Variants in HEXB observed in about 807,000 individuals in gnomAD.
The protein encoded by HEXB is beta-hexosaminidase subunit beta.
A neutral mutation model predicts 71.2 loss-of-function variants in HEXB; 51 were observed. The ratio of observed to expected loss-of-function variants is 0.72; its 90% CI spans 0.57 to 0.90. The LOEUF (loss-of-function observed/expected upper bound fraction) is 0.90. HEXB is among the 40% of genes least tolerant of loss of function. The probability of loss-of-function intolerance (pLI) is 0.00; values close to 1 mark genes in which losing one functional copy is unlikely to be tolerated. For missense variants in HEXB, 617 were observed against 677.0 expected (o/e 0.91, Z 0.98); for synonymous variants, 266 against 249.3 (o/e 1.07, Z -0.63).
chr5:74,694,187 A>G (rs12517888), intron 3 of HEXB, among the ~76,000 whole-genome samples: 35,176 of 152,092 alleles, frequency 0.23, 4,608 homozygotes, highest in African/African-American at 0.35. Flanking sequence ...TAAATACAGC[A>G]TGGGAGAAAA....
intron 1 of HEXB, among the ~76,000 whole-genome samples, chr5:74,642,269 T>TA: frequency 6.6e-6 from 1 of 152,086 alleles, no homozygotes; most frequent in Non-Finnish European, 1.5e-5. Context: ...AATATATATA[T>TA]TTTTTAATGC....
chr5:74,709,989 G>T (rs1749499376), intron 6 of HEXB, among the ~76,000 whole-genome samples: 1 of 134,694 alleles, frequency 7.4e-6, no homozygotes, highest in African/African-American at 3.5e-5. Context: ...AACCAAAAAA[G>T]AGAATTTTAG....
chr5:74,698,293 C>T (rs922259518), intron 5 of HEXB, among the ~76,000 whole-genome samples: 6 of 151,394 alleles, frequency 4.0e-5, no homozygotes, highest in Non-Finnish European at 7.4e-5. Flanking sequence ...AGGCTGGTCT[C>T]GAACTCCTGA....
intron 3 of HEXB, among the ~76,000 whole-genome samples, chr5:74,695,466 G>A (rs1749092501): frequency 6.6e-6 from 1 of 150,760 alleles, no homozygotes; most frequent in Non-Finnish European, 1.5e-5. Context: ...GCCTCCCAAA[G>A]TGCTGGGATT....
chr5:74,703,332 G>T (rs986657965), intron 5 of HEXB, among the ~76,000 whole-genome samples: 14 of 152,190 alleles, frequency 9.2e-5, no homozygotes, highest in East Asian at 3.8e-4. Context: ...TCCCTTGCAG[G>T]TTCCCTTTAA....
At chr5:74,690,097 G>A (rs955615329) in intron 2 of HEXB, among the ~76,000 whole-genome samples, 4 of 152,038 alleles carry the variant, frequency 2.6e-5, no homozygotes, top group Non-Finnish European at 4.4e-5. Context: ...GGGAGAGGGT[G>A]GGTACAGCAG....
intron 1 of HEXB, among the ~76,000 whole-genome samples, chr5:74,686,110 T>C (rs1274628139): frequency 6.6e-6 from 1 of 151,664 alleles, no homozygotes; most frequent in African/African-American, 2.4e-5. Context: ...TGTGACATGT[T>C]TGCATCTGAC....
chr5:74,689,396 A>G lies in HEXB; in HGVS notation c.368A>G (p.Gln123Arg). 6.2e-7 allele frequency: 1 copy of G among 1,612,146 alleles called. No individual in the cohort carries two copies. The highest frequency in any genetic ancestry group is 8.5e-7 in the Non-Finnish European group (1 of 1,178,154). Reference protein sequence around the residue: ...HEPAEFQAKTQVQQLLVSITL... With the variant: ...HEPAEFQAKTRVQQLLVSITL... ...CCTGCTGAATTCCAGGCTAAAACCCAGGTTCAGCAACTTCTTGTCTCAATC... is the reference window on the plus strand; with the variant it reads ...CCTGCTGAATTCCAGGCTAAAACCCGGGTTCAGCAACTTCTTGTCTCAATC... The change falls in exon 2 of 14, where the codon CAG (glutamine) becomes CGG (arginine). Residue 123 changes from glutamine to arginine, a missense_variant. Gln to Arg is a conservative substitution (Grantham distance 43). Transcript: ENST00000261416.
chr5:74,709,309 T>G (rs1749481453), intron 6 of HEXB, among the ~76,000 whole-genome samples: 1 of 151,892 alleles, frequency 6.6e-6, no homozygotes, highest in Non-Finnish European at 1.5e-5. Context: ...AGAGGGAAAT[T>G]TATAGCACTA....
At chr5:74,717,014 A>C (rs1294755521) in intron 9 of HEXB, among the ~76,000 whole-genome samples, 2 of 152,158 alleles carry the variant, frequency 1.3e-5, no homozygotes, top group African/African-American at 2.4e-5. Flanking sequence ...ACATGGTGAA[A>C]TCCCATCTCT....
intron 3 of HEXB, among the ~76,000 whole-genome samples, chr5:74,694,258 T>C (rs1186471312): frequency 6.6e-6 from 1 of 152,352 alleles, no homozygotes; most frequent in Non-Finnish European, 1.5e-5. Flanking sequence ...CTGTAATTCA[T>C]TGATGCTCTT....
intron 1 of HEXB, among the ~76,000 whole-genome samples, chr5:74,661,861 C>T (rs180793097): frequency 1.3e-5 from 2 of 152,256 alleles, no homozygotes; most frequent in Admixed American, 1.3e-4. Flanking sequence ...ACATTTACTC[C>T]AAGATTTGAA....
chr5:74,710,708 C>T (rs1270257206), intron 6 of HEXB, among the ~76,000 whole-genome samples: 1 of 151,642 alleles, frequency 6.6e-6, no homozygotes, highest in Non-Finnish European at 1.5e-5. Context: ...AATAAAATAC[C>T]TAGGAATCCA....
chr5:74,673,468 T>G (rs1007254688), intron 1 of HEXB, among the ~76,000 whole-genome samples: 11 of 152,224 alleles, frequency 7.2e-5, no homozygotes, highest in Admixed American at 2.0e-4. Context: ...GCCCAGGTCC[T>G]AGGCTGTCCA....
upstream of HEXB, chr5:74,685,095 G>T: frequency 1.4e-6 from 1 of 714,102 alleles, no homozygotes; most frequent in Non-Finnish European, 2.1e-6. Context: ...AGGGCGGGCT[G>T]GGCGAGGACG....
intron 1 of HEXB, among the ~76,000 whole-genome samples, chr5:74,678,601 A>G (rs1023355804): frequency 2.6e-5 from 4 of 152,118 alleles, no homozygotes; most frequent in African/African-American, 9.7e-5. Context: ...ATTCAAAAAC[A>G]AAACTATAAA....
intron 6 of HEXB, among the ~76,000 whole-genome samples, chr5:74,712,829 A>G (rs999536092): frequency 2.0e-5 from 3 of 152,202 alleles, no homozygotes; most frequent in African/African-American, 7.2e-5. Context: ...CCATAGTTTG[A>G]GAAATGTGCT....
At chr5:74,644,216 A>T (rs2112063848) in intron 1 of HEXB, among the ~76,000 whole-genome samples, 1 of 152,366 alleles carries the variant, frequency 6.6e-6, no homozygotes, top group Admixed American at 6.5e-5. Flanking sequence ...GGCTGACGCC[A>T]TGGGGACCTC....
Position 74,716,570 on chromosome 5 carries a change from A to C in HEXB, c.1083-17A>C. On this transcript the variant is annotated splice_polypyrimidine_tract_variant and intron_variant, in intron 8 of 13. Transcript: ENST00000261416. Reference sequence around the variant, plus strand: ...ATATCAAACTTCTAATGAAATTTTAATCACTTTTTGCTTCAGGGAATCAAA... The same window carrying C: ...ATATCAAACTTCTAATGAAATTTTACTCACTTTTTGCTTCAGGGAATCAAA... 1 of 1,518,350 alleles carries C rather than the reference A, an allele frequency of 6.6e-7. No individual in the cohort carries two copies. The highest frequency in any genetic ancestry group is 9.1e-7 in the Non-Finnish European group (1 of 1,096,178). The allele number at this position is 1,518,350 out of a possible 1,614,324, so 94.1% of individuals were successfully genotyped here.
Sources: allele counts gnomAD v4.1 joint callset (sites outside exome capture counted in the v4.1 genomes callset), GRCh38; gene constraint gnomAD v4.1.1; transcripts MANE v1.5; gene names NCBI Gene and HGNC (gene_info 2026-07-23, HGNC 2026-07-21).